PALM: variants seen among roughly 807,000 people sequenced by gnomAD.
The protein encoded by PALM is paralemmin-1.
Under a neutral mutation model 30.7 loss-of-function variants are expected in PALM, and 18 were observed. That is an observed-to-expected ratio of 0.59 (90% CI 0.41 to 0.87). The LOEUF (loss-of-function observed/expected upper bound fraction) is 0.87, where lower values mean the gene tolerates loss of function less well. PALM is among the 40% of genes least tolerant of loss of function. The pLI is 0.00. For missense variants in PALM, 529 were observed against 555.4 expected, an observed-to-expected ratio of 0.95 and a Z score of 0.48; for synonymous variants, 286 against 242.8, an observed-to-expected ratio of 1.18 and a Z score of -1.66.
intron 5 of PALM, among the ~76,000 whole-genome samples, chr19:731,780 C>T (rs1039372119): frequency 6.6e-6 from 1 of 152,148 alleles, no homozygotes; most frequent in Non-Finnish European, 1.5e-5. Context: ...CTGCCTCAGC[C>T]TCCCAAGTAG....
intron 1 of PALM, among the ~76,000 whole-genome samples, chr19:725,280 C>T (rs1447444832): frequency 2.0e-5 from 3 of 150,316 alleles, no homozygotes; most frequent in South Asian, 4.4e-4. Context: ...ATGATTGGGC[C>T]GGGCGCGGTG....
At chr19:715,119 C>T (rs2032215114) in intron 1 of PALM, among the ~76,000 whole-genome samples, 1 of 152,122 alleles carries the variant, frequency 6.6e-6, no homozygotes, top group Non-Finnish European at 1.5e-5. Context: ...CAAAAATTAG[C>T]CGGGCGGGCG....
intron 1 of PALM, chr19:719,240 C>A: frequency 2.0e-6 from 2 of 985,500 alleles, no homozygotes; most frequent in Non-Finnish European, 2.4e-6. Context: ...GCCCTGCTCG[C>A]TGGGTGACCT....
At chr19:719,447 G>A (rs1044524147) in intron 1 of PALM, 25 of 985,210 alleles carry the variant, frequency 2.5e-5, no homozygotes, top group Non-Finnish European at 3.0e-5. Context: ...TCGCGGGGAC[G>A]GGAGGCCTGT....
chr19:719,266 C>T (rs2032373779), intron 1 of PALM: 1 of 985,348 alleles, frequency 1.0e-6, no homozygotes, highest in African/African-American at 1.7e-5. Context: ...GTTGCGTAAC[C>T]TCTCTGGGCC....
intron 7 of PALM, 69 bp downstream of exon 7, chr19:736,147 G>A (rs1029772252): frequency 3.5e-5 from 40 of 1,145,484 alleles, no homozygotes; most frequent in Admixed American, 5.8e-5. Context: ...GGTCCGGGGG[G>A]CCGGGTGGGG....
chr19:726,985 A>ACCCCCCCCCCCCC, intron 2 of PALM, 23 bp from the exon 3 acceptor site: 2 of 945,364 alleles, frequency 2.1e-6, no homozygotes, highest in Non-Finnish European at 3.2e-6. Flanking sequence ...CCCATCCCTG[A>ACCCCCCCCCCCCC]CCCCACCCGG....
intron 8 of PALM, among the ~76,000 whole-genome samples, chr19:741,287 C>A (rs549872093): frequency 6.6e-6 from 1 of 152,026 alleles, no homozygotes; most frequent in Non-Finnish European, 1.5e-5. Context: ...ATCAGAGACA[C>A]GCAGTGCATG....
At position 734,165 on chromosome 19, in the gene PALM, T is replaced by A. The variant is rs1190388823; in HGVS notation, c.421-8T>A. ...ACGCCCCTGACCCTTCTCTCTTCTT[T>A]CTTGCAGACGCCGGTGGGCACGCCC... On this transcript the variant is annotated splice_region_variant and splice_polypyrimidine_tract_variant and intron_variant, in intron 5 of 8. Transcript: ENST00000338448. 6.2e-7 allele frequency: 1 copy of A among 1,613,830 alleles called. No homozygotes were observed. The highest frequency in any genetic ancestry group is 1.3e-5 in the African/African-American group (1 of 74,896).
At chr19:713,113 C>CT (rs2032137831) in intron 1 of PALM, among the ~76,000 whole-genome samples, 1 of 152,176 alleles carries the variant, frequency 6.6e-6, no homozygotes, top group African/African-American at 2.4e-5. Flanking sequence ...CATGCTCTCT[C>CT]TAAGCCGCCG....
chr19:740,511 C>T, intron 8 of PALM, 28 bp downstream of exon 8: 1 of 1,539,030 alleles, frequency 6.5e-7, no homozygotes, highest in Non-Finnish European at 8.8e-7. Flanking sequence ...CCTGCCCTCC[C>T]TCCACCTGGG....
At chr19:744,440 T>C (rs2144930616) in intron 8 of PALM, among the ~76,000 whole-genome samples, 1 of 150,934 alleles carries the variant, frequency 6.6e-6, no homozygotes, top group African/African-American at 2.4e-5. Flanking sequence ...ATCATCTAAC[T>C]CGTAGGACAC....
rs2144877438 is a variant in PALM at position 726,125 on chromosome 19, C to T, written c.6-13C>T. On this transcript the variant is annotated splice_polypyrimidine_tract_variant and intron_variant, in intron 1 of 8. Transcript: ENST00000338448. ...TCAGTGAACCAGAGCTTGACCTTAT[C>T]TCCCTCCCGCAGGGTCCTGGCGGCA... The T allele has an allele frequency of 2.5e-6, 4 of 1,610,066 alleles. No individual in the cohort carries two copies. The highest frequency in any genetic ancestry group is 2.2e-5 in the East Asian group (1 of 44,858).
Position 746,411 on chromosome 19 carries a change from C to A in PALM, c.761C>A (p.Ala254Glu). ...GAGGCAGGGTCCACGGCCGGGGCGGCAGAGACCCGGGGGGCTGTGGAGGGG... is the reference window on the plus strand; with the variant it reads ...GAGGCAGGGTCCACGGCCGGGGCGGAAGAGACCCGGGGGGCTGTGGAGGGG... ...LSEAGSTAGAAETRGAVEGAA... is the reference protein window; with the variant it reads ...LSEAGSTAGAEETRGAVEGAA... The change falls in exon 9 of 9, where the codon GCA (alanine) becomes GAA (glutamate). Residue 254 changes from alanine (A) to glutamate (E), a missense_variant. By Grantham distance (107) the Ala-to-Glu change is moderately radical. Transcript: ENST00000338448. This position sits in a 1 kb window ranked among gnomAD's most constrained non-coding sequence, Gnocchi z 7.1. 6.2e-7 allele frequency: 1 copy of A among 1,611,868 alleles called. No homozygotes were observed. The highest frequency in any genetic ancestry group is 8.5e-7 in the Non-Finnish European group (1 of 1,179,230).
chr19:723,649 C>T (rs1056767446), intron 1 of PALM, among the ~76,000 whole-genome samples: 3 of 151,942 alleles, frequency 2.0e-5, no homozygotes, highest in Non-Finnish European at 4.4e-5. Flanking sequence ...TGGAGTGCAG[C>T]GCGTGATCTC....
At position 742,656 on chromosome 19, in the gene PALM, G is replaced by A. The variant is rs908159262; in HGVS notation, c.634+2173G>A. ...GAATAAATGGGGTCACACACTGCAC[G>A]TGGCCTTCTGTGTCTGGCGTCTCTC... On this transcript the variant is annotated intron_variant, in intron 8 of 8. Transcript: ENST00000338448. This position sits in a 1 kb window ranked among gnomAD's most constrained non-coding sequence, Gnocchi z 5.5. 6.6e-6 allele frequency among the ~76,000 whole-genome samples: 1 copy of A among 151,950 alleles called. No homozygotes were observed. Among genetic ancestry groups the A allele is most frequent in the Non-Finnish European group, 1.5e-5 (1 of 67,980 alleles).
In PALM at chr19:709,093, A is replaced by C. The variant is rs914276254; in HGVS notation, c.-54A>C. On this transcript the variant is annotated 5_prime_UTR_variant, in exon 1 of 9. Coordinates refer to ENST00000338448, the MANE Select transcript of PALM (RefSeq NM_002579.3). The surrounding 1 kb of genome is among the most constrained non-coding windows in gnomAD (Gnocchi z 4.3). ...CCTCCCCTCCCCTCCCCCGCGCGCCACCCGCGCCCGCCCCCGCCCGGCACC... is the reference window on the plus strand; with the variant it reads ...CCTCCCCTCCCCTCCCCCGCGCGCCCCCCGCGCCCGCCCCCGCCCGGCACC... 1.8e-4 allele frequency: 44 copies of C among 242,764 alleles called. No individual in the cohort carries two copies. The highest frequency in any genetic ancestry group is 7.9e-4 in the African/African-American group (32 of 40,312). 15.0% of individuals were successfully genotyped at this position (242,764 alleles called of 1,614,324 possible).
Position 726,069 on chromosome 19 carries a change from G to T in PALM, c.6-69G>T, listed in dbSNP as rs373326583. On this transcript the variant is annotated intron_variant, in intron 1 of 8. Coordinates refer to ENST00000338448, the MANE Select transcript of PALM (RefSeq NM_002579.3). ...CCCCTAGGGGAAGAGGCAGAGCTGG[G>T]ATTTGAACCGCGTCTGACGGACAGC... The T allele has an allele frequency of 8.9e-6, 11 of 1,231,532 alleles. No homozygotes were observed. In the African/African-American group the frequency reaches 1.0e-4, roughly 12 times the overall value. 76.3% of individuals were successfully genotyped at this position (1,231,532 alleles called of 1,614,324 possible).
chr19:710,699 C>T (rs2032049503), intron 1 of PALM, among the ~76,000 whole-genome samples: 1 of 140,060 alleles, frequency 7.1e-6, no homozygotes, highest in South Asian at 2.6e-4. Flanking sequence ...GGCCGGGGGG[C>T]CTCGGTGCCT....
Sources: gnomAD v4.1 joint callset for allele counts (sites outside exome capture counted in the v4.1 genomes callset) on GRCh38, gnomAD v4.1.1 for gene constraint, Gnocchi (gnomAD v3.1) non-coding constraint, MANE v1.5 for transcripts, NCBI Gene and HGNC (gene_info 2026-07-23, HGNC 2026-07-21) for gene names.